Variants in CHCHD3 observed in about 807,000 individuals in gnomAD.
CHCHD3 encodes the protein coiled-coil-helix-coiled-coil-helix domain containing 3.
Under a neutral mutation model 38.2 loss-of-function variants are expected in CHCHD3, and 20 were observed. That is an observed-to-expected ratio of 0.52 (90% confidence interval 0.37 to 0.76). The LOEUF (loss-of-function observed/expected upper bound fraction) is 0.76, where lower values mean the gene tolerates loss of function less well. Among genes scored for constraint, CHCHD3 ranks in the 30% least tolerant of loss-of-function variants. The pLI, the probability that CHCHD3 is intolerant of heterozygous loss-of-function variation, is 0.00. For missense variants in CHCHD3, 245 were observed against 279.2 expected, an observed-to-expected ratio of 0.88 and a Z score of 0.87; for synonymous variants, 82 against 100.0, an observed-to-expected ratio of 0.82 and a Z score of 1.07.
At chr7:133,041,491 C>G (rs765156152) in intron 2 of CHCHD3, among the ~76,000 whole-genome samples, 10 of 152,166 alleles carry the variant, frequency 6.6e-5, no homozygotes, top group Non-Finnish European at 1.0e-4. Flanking sequence ...TTCTGGCAAG[C>G]TAACCTTTAA....
intron 5 of CHCHD3, among the ~76,000 whole-genome samples, chr7:132,839,565 T>C (rs925579387): frequency 2.0e-5 from 3 of 152,248 alleles, no homozygotes; most frequent in African/African-American, 4.8e-5. Flanking sequence ...GGTAGTCTAT[T>C]GTGTACCTTT....
At chr7:133,057,523 T>C (rs112232298) in intron 2 of CHCHD3, among the ~76,000 whole-genome samples, 3 of 151,686 alleles carry the variant, frequency 2.0e-5, no homozygotes, top group Admixed American at 6.6e-5. Flanking sequence ...TACCATACCA[T>C]AGCACTCCAG....
At chr7:133,024,467 T>C (rs1023051781) in intron 3 of CHCHD3, 79 bp downstream of exon 3, 20 of 1,025,822 alleles carry the variant, frequency 1.9e-5, no homozygotes, top group African/African-American at 3.2e-5. Context: ...ATGAGACTTA[T>C]CACAATCATT....
rs1809218190 is a variant in CHCHD3, at chr7:132,886,499, T to C, written c.370-754A>G. ...TAATGTTGGTATCTTGAATATTATG[T>C]TTAATTGGCCTTTATCTCTGAGGGA... On this transcript the variant is annotated intron_variant, in intron 4 of 7. Transcript: ENST00000262570. Among the ~76,000 whole-genome samples, 7 of 151,714 alleles carry C rather than the reference T, an allele frequency of 4.6e-5. No individual in the cohort carries two copies. The South Asian group carries it at 1.5e-3, about 31-fold the overall frequency.
In CHCHD3 at chr7:132,905,826, G is replaced by A. The variant is rs138338374; in HGVS notation, c.370-20081C>T. ...TCCTCTCCAGAGGCATTTACTAATC[G>A]AGATGAGTACTGTACTGCAGAGTGG... On this transcript the variant is annotated intron_variant, in intron 4 of 7. Transcript: ENST00000262570. Among the ~76,000 whole-genome samples, 321 of 152,248 alleles carry A rather than the reference G, an allele frequency of 2.1e-3. 2 individuals are homozygous for A. Among genetic ancestry groups the A allele is most frequent in the Middle Eastern group, 3.4e-3 (1 of 294 alleles).
chr7:133,037,435 C>A (rs1584663806), intron 2 of CHCHD3, among the ~76,000 whole-genome samples: 1 of 152,118 alleles, frequency 6.6e-6, no homozygotes, highest in Non-Finnish European at 1.5e-5. Context: ...TGAAAAGATA[C>A]CAGGCTGAAC....
intron 5 of CHCHD3, among the ~76,000 whole-genome samples, chr7:132,869,141 T>C (rs898613590): frequency 4.6e-5 from 7 of 152,164 alleles, no homozygotes; most frequent in African/African-American, 1.7e-4. Flanking sequence ...CATTACATTA[T>C]TAGAGGGCAC....
intron 2 of CHCHD3, among the ~76,000 whole-genome samples, chr7:133,032,014 G>A (rs1472529814): frequency 2.6e-5 from 4 of 152,128 alleles, no homozygotes; most frequent in Non-Finnish European, 4.4e-5. Context: ...GTATATTAGA[G>A]CTAAATGACT....
chr7:132,906,373 T>G (rs1017819023), intron 4 of CHCHD3, among the ~76,000 whole-genome samples: 1 of 152,162 alleles, frequency 6.6e-6, no homozygotes, highest in African/African-American at 2.4e-5. Flanking sequence ...CTGCTATTAA[T>G]CTGAAACTGA....
At chr7:132,875,264 A>C (rs1389351792) in intron 5 of CHCHD3, among the ~76,000 whole-genome samples, 1 of 152,120 alleles carries the variant, frequency 6.6e-6, no homozygotes, top group Non-Finnish European at 1.5e-5. Context: ...GAAACCTAAC[A>C]TTCCTCAAAA....
chr7:133,010,654 C>G (rs976461631), intron 3 of CHCHD3, among the ~76,000 whole-genome samples: 1 of 152,132 alleles, frequency 6.6e-6, no homozygotes. Flanking sequence ...TCTCGGCTTA[C>G]TACAACCTCT....
At chr7:132,912,106 G>T (rs575938240) in intron 4 of CHCHD3, among the ~76,000 whole-genome samples, 136 of 152,198 alleles carry the variant, frequency 8.9e-4, no homozygotes, top group African/African-American at 3.0e-3. Context: ...AATATGTAAT[G>T]TATCACCTTC....
At chr7:133,022,658 C>G (rs149744948) in intron 3 of CHCHD3, among the ~76,000 whole-genome samples, 23 of 151,928 alleles carry the variant, frequency 1.5e-4, no homozygotes, top group African/African-American at 5.5e-4. Context: ...AAGGCTGTAC[C>G]ACCCTCTGCT....
At chr7:132,886,605 C>A (rs971017923) in intron 4 of CHCHD3, among the ~76,000 whole-genome samples, 9 of 151,106 alleles carry the variant, frequency 6.0e-5, no homozygotes, top group African/African-American at 1.5e-4. Context: ...ATATGCCTGA[C>A]TACAACTTAT....
intron 3 of CHCHD3, among the ~76,000 whole-genome samples, chr7:132,978,887 T>G (rs1234051924): frequency 2.0e-5 from 3 of 152,200 alleles, no homozygotes; most frequent in Admixed American, 6.5e-5. Context: ...TCCTTACAAA[T>G]AGAACTGCAC....
chr7:132,984,418 T>G (rs1002223906), intron 3 of CHCHD3, among the ~76,000 whole-genome samples: 81 of 150,866 alleles, frequency 5.4e-4, no homozygotes, highest in African/African-American at 1.8e-3. Context: ...CGCTACAACC[T>G]CCACCTCCCA....
chr7:132,930,957 T>C (rs1443637666), intron 4 of CHCHD3, among the ~76,000 whole-genome samples: 2 of 152,222 alleles, frequency 1.3e-5, no homozygotes. Flanking sequence ...TTGCACTTTG[T>C]GCTTCTATCT....
rs148206615 is a variant in CHCHD3 at position 132,897,949 on chromosome 7, C to T, written c.370-12204G>A. Among the ~76,000 whole-genome samples the T allele has an allele frequency of 3.0e-3, 457 of 152,200 alleles. 1 individual carries two copies. The highest frequency in any genetic ancestry group is 0.01 in the African/African-American group (436 of 41,546). The stretch of plus-strand genomic sequence containing the variant: ...GTTCCTTCTGATGTTCAGATGTGTT[C>T]GGAGTTTCTTCCTTCTGGCGGGTTC... On this transcript the variant is annotated intron_variant, in intron 4 of 7. Transcript: ENST00000262570.
At chr7:132,821,813 ACTGCAGTG>A (rs1203451278) in intron 6 of CHCHD3, among the ~76,000 whole-genome samples, 2 of 128,356 alleles carry the variant, frequency 1.6e-5, no homozygotes, top group Non-Finnish European at 3.1e-5. Context: ...CGGACTGCGG[ACTGCAGTG>A]GCGCAATCTC....
Sources: allele counts gnomAD v4.1 joint callset (sites outside exome capture counted in the v4.1 genomes callset), GRCh38; gene constraint gnomAD v4.1.1; transcripts MANE v1.5; gene names NCBI Gene and HGNC (gene_info 2026-07-23, HGNC 2026-07-21).